Variants in GALNT1 observed in about 807,000 individuals in gnomAD.
GALNT1 encodes the protein GalNAc transferase 1.
In GALNT1, 17 loss-of-function variants were observed where a neutral mutation model predicts 65.7. That is an observed-to-expected ratio of 0.26 (90% CI 0.18 to 0.39). The LOEUF is 0.39. GALNT1 is among the 10% of genes least tolerant of loss of function. The pLI, the probability that GALNT1 is intolerant of heterozygous loss-of-function variation, is 1.00. For synonymous variants in GALNT1, 210 were observed against 219.7 expected (o/e 0.96, Z 0.39); for missense variants, 460 against 672.8 (o/e 0.68, Z 3.50).
intron 1 of GALNT1, among the ~76,000 whole-genome samples, chr18:35,636,873 G>C (rs2047098101): frequency 1.5e-5 from 2 of 134,602 alleles, no homozygotes; most frequent in Non-Finnish European, 3.1e-5. Flanking sequence ...TTTTCCAACA[G>C]CATCTGCTCA....
intron 6 of GALNT1, 32 bp downstream of exon 6, chr18:35,687,218 T>G (rs772004315): frequency 6.3e-7 from 1 of 1,598,000 alleles, no homozygotes; most frequent in Admixed American, 1.7e-5. Context: ...TTGCCTAAAG[T>G]GTTATTGGCA....
chr18:35,672,891 A>T (rs565320748), intron 3 of GALNT1, among the ~76,000 whole-genome samples: 7 of 152,306 alleles, frequency 4.6e-5, no homozygotes, highest in Admixed American at 4.6e-4. Flanking sequence ...GCAAAGTAGT[A>T]GTAATGTGCT....
chr18:35,655,583 CTG>C (rs1419508006), intron 2 of GALNT1, among the ~76,000 whole-genome samples: 2 of 148,908 alleles, frequency 1.3e-5, no homozygotes, highest in Non-Finnish European at 3.0e-5. Context: ...GCTCTGAACT[CTG>C]TGATTAGTTA....
chr18:35,636,117 G>A (rs1217989380), intron 1 of GALNT1, among the ~76,000 whole-genome samples: 1 of 152,118 alleles, frequency 6.6e-6, no homozygotes, highest in Non-Finnish European at 1.5e-5. Context: ...AAAGTGGATG[G>A]TGACAGTCCC....
Position 35,709,775 on chromosome 18 carries a change from A to AAAT in GALNT1, c.*6_*8dup, listed in dbSNP as rs780561882. On this transcript the variant is annotated 3_prime_UTR_variant, in exon 12 of 12. Transcript: ENST00000269195. ...ACCCTGCCAGAAATATTCTGAGACC[A>AAAT]AATTTACAAAAAAACGAAAAAAATA... is the stretch of plus-strand genomic sequence containing the variant. The AAAT allele has an allele frequency of 6.2e-7, 1 of 1,613,846 alleles. No individual in the cohort carries two copies. Among genetic ancestry groups the AAAT allele is most frequent in the Non-Finnish European group, 8.5e-7 (1 of 1,179,860 alleles).
intron 3 of GALNT1, among the ~76,000 whole-genome samples, chr18:35,670,822 TG>T (rs1308471204): frequency 1.3e-5 from 2 of 152,208 alleles, no homozygotes; most frequent in Non-Finnish European, 1.5e-5. Flanking sequence ...CTTGAACACT[TG>T]GTTTAGGACA....
chr18:35,634,977 A>G (rs2047070526), intron 1 of GALNT1, among the ~76,000 whole-genome samples: 1 of 152,220 alleles, frequency 6.6e-6, no homozygotes, highest in Non-Finnish European at 1.5e-5. Context: ...AAGTAATGAG[A>G]AAAGTACATA....
At chr18:35,681,414 G>C (rs2047784073) in intron 4 of GALNT1, among the ~76,000 whole-genome samples, 1 of 151,962 alleles carries the variant, frequency 6.6e-6, no homozygotes, top group South Asian at 2.1e-4. Context: ...AAGCAACAAA[G>C]ATGTCAAACA....
intron 9 of GALNT1, among the ~76,000 whole-genome samples, chr18:35,696,438 T>A (rs1478007942): frequency 2.0e-5 from 3 of 152,268 alleles, no homozygotes; most frequent in Non-Finnish European, 4.4e-5. Context: ...CAGCTAACGC[T>A]GACGTTCGTA....
In GALNT1 at chr18:35,661,724, C is replaced by G. The variant is rs2047480396; in HGVS notation, c.140-1904C>G. The stretch of plus-strand genomic sequence containing the variant: ...AATGGTGCATGCCATGTCCCTTTGT[C>G]CCGTATATTTCCTGTAAATTAGGTC... On this transcript the variant is annotated intron_variant, in intron 2 of 11. Coordinates refer to ENST00000269195, the MANE Select transcript of GALNT1 (RefSeq NM_020474.4). Among the ~76,000 whole-genome samples, 2 of 152,028 alleles carry G rather than the reference C, an allele frequency of 1.3e-5. 1 individual carries two copies. The highest frequency in any genetic ancestry group is 4.2e-4 in the South Asian group (2 of 4,812).
chr18:35,582,000 C>CG (rs1876779747), intron 1 of GALNT1, 138 bp downstream of exon 1: 1 of 151,872 alleles, frequency 6.6e-6, no homozygotes, highest in African/African-American at 2.4e-5. Context: ...GGCGCGGGCA[C>CG]GCTCGGCGCG....
At chr18:35,659,152 G>A (rs575137163) in intron 2 of GALNT1, among the ~76,000 whole-genome samples, 5 of 152,098 alleles carry the variant, frequency 3.3e-5, no homozygotes, top group South Asian at 2.1e-4. Flanking sequence ...ATTTCTGAAC[G>A]TTCTGCTTTA....
chr18:35,628,436 T>C (rs1223097821), intron 1 of GALNT1, among the ~76,000 whole-genome samples: 1 of 152,198 alleles, frequency 6.6e-6, no homozygotes, highest in Non-Finnish European at 1.5e-5. Context: ...CAGCCTCCGC[T>C]GCTGATACCC....
intron 11 of GALNT1, 65 bp downstream of exon 11, chr18:35,703,708 A>G (rs2048206548): frequency 2.0e-6 from 3 of 1,486,764 alleles, no homozygotes; most frequent in Non-Finnish European, 2.8e-6. Context: ...TATATACTTT[A>G]TATCTAAAGG....
At position 35,709,874 on chromosome 18, in the gene GALNT1, C is replaced by G; in HGVS notation, c.*104C>G. 1 of 1,297,678 alleles carries G rather than the reference C, an allele frequency of 7.7e-7. No individual in the cohort carries two copies. Among genetic ancestry groups the G allele is most frequent in the Non-Finnish European group, 1.1e-6 (1 of 941,054 alleles). 80.4% of individuals were successfully genotyped at this position (1,297,678 alleles called of 1,614,324 possible). A position where few individuals can be genotyped will look rare whatever the true frequency, so the allele number is the denominator to read the frequency against. On this transcript the variant is annotated 3_prime_UTR_variant, in exon 12 of 12. Transcript: ENST00000269195. ...AGCAAAAAAGGAAAAGTGCTTTCCT[C>G]CTCTGCAGGATGTAAGGTTTATCAG...
chr18:35,582,961 T>C (rs61379906), intron 1 of GALNT1, among the ~76,000 whole-genome samples: 9,364 of 152,284 alleles, frequency 0.061, 317 homozygotes, highest in South Asian at 0.077. Flanking sequence ...TTTCAAGTGT[T>C]CCATAGCTAA....
chr18:35,710,576 A>G lies in GALNT1; in HGVS notation c.*806A>G, dbSNP rs1254664761. ...GTAATTTTTAATTGCCTTCTAAAAAATGGAAATTTAACAATGTCTGATCTC... is the reference window on the plus strand; with the variant it reads ...GTAATTTTTAATTGCCTTCTAAAAAGTGGAAATTTAACAATGTCTGATCTC... On this transcript the variant is annotated 3_prime_UTR_variant, in exon 12 of 12. Transcript: ENST00000269195. 1 of 152,362 alleles carries G rather than the reference A, an allele frequency of 6.6e-6. No individual in the cohort carries two copies. The highest frequency in any genetic ancestry group is 1.5e-5 in the Non-Finnish European group (1 of 68,032). The allele number at this position is 152,362 out of a possible 1,614,324, so 9.4% of individuals were successfully genotyped here.
intron 1 of GALNT1, among the ~76,000 whole-genome samples, chr18:35,628,271 C>G (rs1170989276): frequency 6.6e-6 from 1 of 152,190 alleles, no homozygotes; most frequent in Non-Finnish European, 1.5e-5. Flanking sequence ...ACTGCCTCCT[C>G]AAGTGGGTCC....
intron 9 of GALNT1, among the ~76,000 whole-genome samples, chr18:35,698,531 G>A (rs547352260): frequency 2.6e-5 from 4 of 152,222 alleles, no homozygotes; most frequent in African/African-American, 9.6e-5. Context: ...AGAATTTAAA[G>A]CCTGGTTCTT....
Sources: allele counts gnomAD v4.1 joint callset (sites outside exome capture counted in the v4.1 genomes callset), GRCh38; gene constraint gnomAD v4.1.1; transcripts MANE v1.5; gene names NCBI Gene and HGNC (gene_info 2026-07-23, HGNC 2026-07-21).